Variants in PDZRN3 observed in about 807,000 individuals in gnomAD.
PDZRN3 encodes E3 ubiquitin-protein ligase PDZRN3.
PDZRN3 carries 38 observed loss-of-function variants against 85.7 expected under a neutral mutation model. That is an observed-to-expected ratio of 0.44 (90% confidence interval 0.34 to 0.58). The LOEUF (loss-of-function observed/expected upper bound fraction) is 0.58. PDZRN3 is among the 20% of genes least tolerant of loss of function. The probability of loss-of-function intolerance (pLI) is 0.01; values close to 1 mark genes in which losing one functional copy is unlikely to be tolerated. For missense variants in PDZRN3, 1,629 were observed against 1,506.4 expected (o/e 1.08, Z -1.35); for synonymous variants, 759 against 638.0 (o/e 1.19, Z -2.86).
intron 3 of PDZRN3, among the ~76,000 whole-genome samples, chr3:73,561,073 G>C (rs537943068): frequency 6.6e-6 from 1 of 152,154 alleles, no homozygotes; most frequent in African/African-American, 2.4e-5. Flanking sequence ...AAGAGATCCC[G>C]ACAATAAACT....
intron 1 of PDZRN3, 132 bp from the exon 2 acceptor site, chr3:73,608,816 T>C: frequency 1.6e-6 from 1 of 635,190 alleles, no homozygotes; most frequent in East Asian, 2.8e-5. Context: ...TTGGGAAGTT[T>C]AACCAAGGAA....
intron 3 of PDZRN3, among the ~76,000 whole-genome samples, chr3:73,453,892 C>T (rs1021196195): frequency 3.3e-5 from 5 of 152,150 alleles, no homozygotes; most frequent in Non-Finnish European, 7.4e-5. Context: ...CCAACATCAA[C>T]AGGTCATTGC....
chr3:73,451,669 A>G (rs1702864795), intron 3 of PDZRN3, among the ~76,000 whole-genome samples: 1 of 152,184 alleles, frequency 6.6e-6, no homozygotes, highest in Admixed American at 6.5e-5. Flanking sequence ...TGATTAGGTA[A>G]AATATATTTC....
Position 73,624,685 on chromosome 3 carries a change from C to A in PDZRN3, c.141G>T (p.Val47=), listed in dbSNP as rs747102990. 1 of 1,529,610 alleles carries A rather than the reference C, an allele frequency of 6.5e-7. No individual in the cohort carries two copies. Among genetic ancestry groups the A allele is most frequent in the East Asian group, 2.7e-5 (1 of 37,086 alleles). 94.8% of individuals were successfully genotyped at this position (1,529,610 alleles called of 1,614,324 possible). A position where few individuals can be genotyped will look rare whatever the true frequency, so the allele number is the denominator to read the frequency against. Residue 47 remains valine, a synonymous_variant, in exon 1 of 10, where the codon GTG becomes GTT. Transcript: ENST00000263666. ...AGCGCGCCGGGCAGCTGCCCTCCTG[C>A]ACCACCCAGGGCAGCACGCAGCCGG... ...FCAGCVLPWV[V]QEGSCPARCR...
At chr3:73,419,348 T>A (rs765547260) in intron 3 of PDZRN3, among the ~76,000 whole-genome samples, 4 of 151,986 alleles carry the variant, frequency 2.6e-5, no homozygotes, top group African/African-American at 4.8e-5. Context: ...GGGGTGACAT[T>A]TATAGTTCTG....
intron 3 of PDZRN3, among the ~76,000 whole-genome samples, chr3:73,565,270 A>G (rs183344538): frequency 6.6e-6 from 1 of 152,092 alleles, no homozygotes; most frequent in African/African-American, 2.4e-5. Flanking sequence ...CTGGGATTAC[A>G]GGTGCCTGCT....
Position 73,404,250 on chromosome 3 carries a change from T to C in PDZRN3, c.1064A>G (p.Asp355Gly). 3 of 1,614,138 alleles carry C rather than the reference T, an allele frequency of 1.9e-6. No individual in the cohort carries two copies. Among genetic ancestry groups the C allele is most frequent in the Non-Finnish European group, 2.5e-6 (3 of 1,180,028 alleles). ...GGTGATGTCGGTTTGGGTTCCCGTG[T>C]CCACCAGCTGAGACTCTGATGGAGG... The part of the protein sequence containing the change: ...FTPPSESQLV[D>G]TGTQTDITFE... Residue 355 changes from aspartate to glycine, a missense_variant, in exon 4 of 10, where the codon GAC becomes GGC. Physicochemically the swap from Asp to Gly is moderately conservative, Grantham distance 94. Coordinates refer to ENST00000263666, the MANE Select transcript of PDZRN3 (RefSeq NM_015009.3).
At chr3:73,620,444 A>T (rs1163263189) in intron 1 of PDZRN3, among the ~76,000 whole-genome samples, 1 of 152,176 alleles carries the variant, frequency 6.6e-6, no homozygotes, top group Non-Finnish European at 1.5e-5. Context: ...TGAGGCTGGG[A>T]GCAGAACTCT....
chr3:73,581,182 C>G (rs894367442), intron 3 of PDZRN3, among the ~76,000 whole-genome samples: 1 of 152,212 alleles, frequency 6.6e-6, no homozygotes, highest in African/African-American at 2.4e-5. Context: ...TGTGTGAGAG[C>G]AGCTTTCTCT....
At chr3:73,400,876 G>A in intron 5 of PDZRN3, 46 bp downstream of exon 5, 1 of 1,320,580 alleles carries the variant, frequency 7.6e-7, no homozygotes. Context: ...GGCATTCTGT[G>A]TTCTTAATAA....
Position 73,383,449 on chromosome 3 carries a change from C to G in PDZRN3, c.3117G>C (p.Thr1039=). 6.2e-7 allele frequency: 1 copy of G among 1,614,120 alleles called. No homozygotes were observed. Among genetic ancestry groups the G allele is most frequent in the Non-Finnish European group, 8.5e-7 (1 of 1,179,994 alleles). ...RNKKIFDNWM[T]IQELLTHGTK... ...TGCCGTGGGTTAAGAGTTCTTGGATCGTCATCCAGTTATCGAAGATTTTCT... is the reference window on the plus strand; with the variant it reads ...TGCCGTGGGTTAAGAGTTCTTGGATGGTCATCCAGTTATCGAAGATTTTCT... Residue 1039 remains threonine (T), a synonymous_variant, in exon 10 of 10, where the codon ACG becomes ACC. Transcript: ENST00000263666.
At chr3:73,461,282 G>A (rs960457314) in intron 3 of PDZRN3, among the ~76,000 whole-genome samples, 2 of 152,132 alleles carry the variant, frequency 1.3e-5, no homozygotes, top group Non-Finnish European at 2.9e-5. Context: ...TATTCTACAT[G>A]TATATGTTTT....
intron 3 of PDZRN3, among the ~76,000 whole-genome samples, chr3:73,507,023 T>C (rs533303164): frequency 9.2e-5 from 14 of 152,316 alleles, no homozygotes; most frequent in South Asian, 4.1e-4. Flanking sequence ...GAATACTACA[T>C]AGCCATTAAA....
chr3:73,503,362 C>T (rs1355398457), intron 3 of PDZRN3, among the ~76,000 whole-genome samples: 1 of 152,012 alleles, frequency 6.6e-6, no homozygotes, highest in Non-Finnish European at 1.5e-5. Flanking sequence ...ATGATGAGTG[C>T]GTTAAACATC....
At chr3:73,500,910 A>G (rs1309188976) in intron 3 of PDZRN3, among the ~76,000 whole-genome samples, 10 of 152,046 alleles carry the variant, frequency 6.6e-5, no homozygotes, top group Non-Finnish European at 1.5e-4. Context: ...ATGTTGAGCT[A>G]TATCATTTCT....
intron 3 of PDZRN3, among the ~76,000 whole-genome samples, chr3:73,548,023 CA>C (rs1701467340): frequency 6.6e-6 from 1 of 152,164 alleles, no homozygotes; most frequent in Non-Finnish European, 1.5e-5. Context: ...ACAGGGGTTT[CA>C]GAACGAAGAG....
chr3:73,599,820 T>C (rs1221196455), intron 3 of PDZRN3, among the ~76,000 whole-genome samples: 1 of 151,952 alleles, frequency 6.6e-6, no homozygotes, highest in African/African-American at 2.4e-5. Context: ...ATAAGGTGCA[T>C]CCCAGTGAGT....
chr3:73,408,034 A>C (rs1486179644), intron 3 of PDZRN3: 3 of 644,286 alleles, frequency 4.7e-6, no homozygotes, highest in Admixed American at 2.4e-5. Flanking sequence ...TGGGTTCCAC[A>C]GAAACGCATT....
chr3:73,398,344 G>C (rs1294646409), intron 5 of PDZRN3, among the ~76,000 whole-genome samples: 1 of 152,200 alleles, frequency 6.6e-6, no homozygotes, highest in Non-Finnish European at 1.5e-5. Flanking sequence ...TGTGACTCAA[G>C]AGAACAAGAG....
Sources: gnomAD v4.1 joint callset for allele counts (sites outside exome capture counted in the v4.1 genomes callset) on GRCh38, gnomAD v4.1.1 for gene constraint, MANE v1.5 for transcripts, NCBI Gene and HGNC (gene_info 2026-07-23, HGNC 2026-07-21) for gene names.